The following ITCH variants were observed in gnomAD, a reference collection of about 807,000 sequenced individuals.
ITCH encodes the protein E3 ubiquitin-protein ligase Itchy homolog.
In ITCH, 28 loss-of-function variants were observed where a neutral mutation model predicts 126.8. The ratio of observed to expected loss-of-function variants is 0.22; its 90% CI spans 0.16 to 0.30. ITCH has a LOEUF of 0.30. Among genes scored for constraint, ITCH ranks in the 10% least tolerant of loss-of-function variants. The pLI, the probability that ITCH is intolerant of heterozygous loss-of-function variation, is 1.00. For synonymous variants in ITCH, 342 were observed against 340.0 expected, an observed-to-expected ratio of 1.01 and a Z score of -0.06; for missense variants, 631 against 1,032.4, an observed-to-expected ratio of 0.61 and a Z score of 5.33.
intron 14 of ITCH, among the ~76,000 whole-genome samples, chr20:34,464,903 G>T (rs2146389375): frequency 6.6e-6 from 1 of 152,004 alleles, no homozygotes; most frequent in African/African-American, 2.4e-5. Context: ...TAGAGACGGG[G>T]TTTCACCATG....
chr20:34,364,950 A>G (rs543431746), intron 1 of ITCH, among the ~76,000 whole-genome samples: 76 of 150,224 alleles, frequency 5.1e-4, no homozygotes, highest in Non-Finnish European at 9.2e-4. Context: ...CTGTAATCCC[A>G]GCAATTTGGG....
intron 23 of ITCH, among the ~76,000 whole-genome samples, chr20:34,504,039 C>G (rs139567516): frequency 2.0e-5 from 3 of 152,066 alleles, no homozygotes; most frequent in Non-Finnish European, 4.4e-5. Context: ...CGCCACCACA[C>G]TTGGCTAGTT....
At chr20:34,475,724 G>GCAGA (rs1555882495) in intron 16 of ITCH, among the ~76,000 whole-genome samples, 66 of 151,702 alleles carry the variant, frequency 4.4e-4, no homozygotes, top group South Asian at 1.0e-3. Flanking sequence ...GCAGGGGCAG[G>GCAGA]GGCAGGCAGA....
At chr20:34,421,083 A>C (rs921039294) in intron 6 of ITCH, among the ~76,000 whole-genome samples, 1 of 152,094 alleles carries the variant, frequency 6.6e-6, no homozygotes, top group African/African-American at 2.4e-5. Context: ...ACATTTGCTC[A>C]CTGCATACTT....
chr20:34,448,113 GGCGCGGTGGCTCACACCTGTACTCCC>G (rs1206714198), intron 11 of ITCH, among the ~76,000 whole-genome samples: 1 of 152,206 alleles, frequency 6.6e-6, no homozygotes, highest in Non-Finnish European at 1.5e-5. Flanking sequence ...ATGTCAGCCT[GGCGCGGTGGCTCACACCTGTACTCCC>G]AGCACTTTGG....
chr20:34,448,637 A>C (rs569678421), intron 11 of ITCH, among the ~76,000 whole-genome samples: 1 of 151,652 alleles, frequency 6.6e-6, no homozygotes, highest in South Asian at 2.1e-4. Flanking sequence ...ATGCAGTTAG[A>C]CTCTTGTTTA....
chr20:34,447,113 C>T (rs1600359373), intron 11 of ITCH, among the ~76,000 whole-genome samples: 1 of 151,816 alleles, frequency 6.6e-6, no homozygotes, highest in African/African-American at 2.4e-5. Context: ...ATTTCTGGAG[C>T]ACCAACGGTG....
chr20:34,404,899 C>T (rs1357812616), intron 3 of ITCH, among the ~76,000 whole-genome samples: 1 of 151,832 alleles, frequency 6.6e-6, no homozygotes, highest in Non-Finnish European at 1.5e-5. Flanking sequence ...TTTGGTAGGC[C>T]TAGGTAAGTG....
intron 24 of ITCH, 136 bp downstream of exon 24, chr20:34,504,539 A>G: frequency 1.4e-6 from 1 of 693,660 alleles, no homozygotes. Context: ...CCAGTTTAAG[A>G]GCATTTTGTT....
intron 3 of ITCH, among the ~76,000 whole-genome samples, chr20:34,404,487 T>A (rs1278279143): frequency 6.7e-6 from 1 of 148,656 alleles, no homozygotes; most frequent in East Asian, 2.0e-4. Flanking sequence ...TGGCATGATC[T>A]CAGCTCACTA....
intron 3 of ITCH, among the ~76,000 whole-genome samples, chr20:34,399,527 C>CTATT (rs1349388946): frequency 1.3e-5 from 2 of 149,838 alleles, no homozygotes; most frequent in Non-Finnish European, 3.0e-5. Context: ...TGGATTGCTG[C>CTATT]TATTTATTTA....
chr20:34,415,112 G>A (rs1220709517), intron 6 of ITCH, among the ~76,000 whole-genome samples: 1 of 152,206 alleles, frequency 6.6e-6, no homozygotes, highest in Non-Finnish European at 1.5e-5. Flanking sequence ...GACAATGAAA[G>A]AGCAGATTAA....
intron 16 of ITCH, among the ~76,000 whole-genome samples, chr20:34,475,506 C>G (rs1280247485): frequency 6.6e-6 from 1 of 152,154 alleles, no homozygotes; most frequent in East Asian, 1.9e-4. Flanking sequence ...AATACGAAAA[C>G]CAGTCAGGCG....
intron 3 of ITCH, chr20:34,401,628 C>T: frequency 1.0e-6 from 1 of 981,848 alleles, no homozygotes; most frequent in Non-Finnish European, 1.2e-6. Context: ...AGATGGGGAA[C>T]ATGTTTTCTC....
rs909921911 is a variant in ITCH, at chr20:34,489,752, A to C, written c.2215-70A>C. 3.6e-5 allele frequency: 35 copies of C among 984,596 alleles called. No individual in the cohort carries two copies. The African/African-American group carries it at 5.6e-4, about 16-fold the overall frequency. 61.0% of individuals were successfully genotyped at this position (984,596 alleles called of 1,614,324 possible). ...TTATTCTAAAGCTTTGCTTAATCTT[A>C]GTCTTTCCTATGTCCAGCTGTTTTT... On this transcript the variant is annotated intron_variant, in intron 21 of 24. Coordinates refer to ENST00000374864, the MANE Select transcript of ITCH (RefSeq NM_031483.7).
chr20:34,499,980 A>G (rs1990150624), intron 23 of ITCH, among the ~76,000 whole-genome samples: 1 of 152,124 alleles, frequency 6.6e-6, no homozygotes, highest in Non-Finnish European at 1.5e-5. Flanking sequence ...TATTTATACA[A>G]TTTTGAAAGT....
chr20:34,396,238 T>C (rs1245698984), intron 3 of ITCH, among the ~76,000 whole-genome samples: 1 of 151,980 alleles, frequency 6.6e-6, no homozygotes, highest in Admixed American at 6.6e-5. Flanking sequence ...TTCACCATGT[T>C]GGCCAGGCTG....
intron 2 of ITCH, among the ~76,000 whole-genome samples, chr20:34,381,171 C>T (rs1035512409): frequency 2.1e-4 from 32 of 152,056 alleles, no homozygotes; most frequent in Non-Finnish European, 2.6e-4. Context: ...GAAGCTGAGG[C>T]GAGAGGATCG....
chr20:34,417,694 C>T (rs191726221), intron 6 of ITCH, among the ~76,000 whole-genome samples: 61 of 142,848 alleles, frequency 4.3e-4, no homozygotes, highest in African/African-American at 1.4e-3. Flanking sequence ...GCCACTGCGC[C>T]TGGCCCAGCT....
Sources: allele counts gnomAD v4.1 joint callset (sites outside exome capture counted in the v4.1 genomes callset), GRCh38; gene constraint gnomAD v4.1.1; transcripts MANE v1.5; gene names NCBI Gene and HGNC (gene_info 2026-07-23, HGNC 2026-07-21).